Variants in FEN1 observed in about 807,000 individuals in gnomAD.
FEN1 encodes flap structure-specific endonuclease 1.
In FEN1, 19 loss-of-function variants were observed where a neutral mutation model predicts 24.7. The ratio of observed to expected loss-of-function variants is 0.77; its 90% CI spans 0.54 to 1.13. The LOEUF (loss-of-function observed/expected upper bound fraction) is 1.13, where lower values mean the gene tolerates loss of function less well. FEN1 is among the 50% of genes most tolerant of loss of function. FEN1 has a pLI of 0.00. For synonymous variants in FEN1, 155 were observed against 189.2 expected (o/e 0.82, Z 1.48); for missense variants, 339 against 488.7 (o/e 0.69, Z 2.89).
chr11:61,795,283 T>TAAC lies in FEN1; in HGVS notation c.-21-56_-21-54dup. On this transcript the variant is annotated intron_variant, in intron 1 of 1. Coordinates refer to ENST00000305885, the MANE Select transcript of FEN1 (RefSeq NM_004111.6). The surrounding 1 kb of genome is among the most constrained non-coding windows in gnomAD (Gnocchi z 4.1). ...AGTTGAAGGCATGAAGTTGGTGAGA[T>TAAC]AACACCAGTTATAACCTTTCTCCTT... The TAAC allele has an allele frequency of 6.9e-7, 1 of 1,443,514 alleles. No individual in the cohort carries two copies. The highest frequency in any genetic ancestry group is 9.3e-7 in the Non-Finnish European group (1 of 1,069,858). The allele number at this position is 1,443,514 out of a possible 1,614,324, so 89.4% of individuals were successfully genotyped here. A position where few individuals can be genotyped will look rare whatever the true frequency, so the allele number is the denominator to read the frequency against.
chr11:61,796,580 A>T lies in FEN1; in HGVS notation c.*76A>T. 7.0e-7 allele frequency: 1 copy of T among 1,431,630 alleles called. No homozygotes were observed. Among genetic ancestry groups the T allele is most frequent in the Non-Finnish European group, 9.3e-7 (1 of 1,076,438 alleles). The allele number at this position is 1,431,630 out of a possible 1,614,324, so 88.7% of individuals were successfully genotyped here. On this transcript the variant is annotated 3_prime_UTR_variant, in exon 2 of 2. Transcript: ENST00000305885. ...ACCCTTAAGAGCTACAGCTAGAGAAACCTTCACGGGGTGGAGAGAGGATTC... is the reference window on the plus strand; with the variant it reads ...ACCCTTAAGAGCTACAGCTAGAGAATCCTTCACGGGGTGGAGAGAGGATTC...
rs1435270808 is a variant in FEN1, at chr11:61,795,761, A to C, written c.400A>C (p.Thr134Pro). 6.2e-7 allele frequency: 1 copy of C among 1,613,964 alleles called. No homozygotes were observed. The highest frequency in any genetic ancestry group is 8.5e-7 in the Non-Finnish European group (1 of 1,180,030). ...EKFTKRLVKV[T>P]KQHNDECKHL... ...ATTCACTAAGCGGCTGGTGAAGGTCACTAAGCAGCACAATGATGAGTGCAA... is the reference window on the plus strand; with the variant it reads ...ATTCACTAAGCGGCTGGTGAAGGTCCCTAAGCAGCACAATGATGAGTGCAA... Residue 134 changes from threonine (T) to proline (P), a missense_variant, in exon 2 of 2, where the codon ACT becomes CCT. This residue lies in a region of FEN1 where 216 missense variants were observed against 329.7 expected (regional missense o/e 0.66). Transcript: ENST00000305885. The surrounding 1 kb of genome is among the most constrained non-coding windows in gnomAD (Gnocchi z 4.1).
At position 61,795,277 on chromosome 11, in the gene FEN1, G is replaced by A. The variant is rs569289035; in HGVS notation, c.-21-64G>A. 3 of 1,389,470 alleles carry A rather than the reference G, an allele frequency of 2.2e-6. No homozygotes were observed. The South Asian group carries it at 4.3e-5, about 20-fold the overall frequency. 86.1% of individuals were successfully genotyped at this position (1,389,470 alleles called of 1,614,324 possible). On this transcript the variant is annotated intron_variant, in intron 1 of 1. Coordinates refer to ENST00000305885, the MANE Select transcript of FEN1 (RefSeq NM_004111.6). This position sits in a 1 kb window ranked among gnomAD's most constrained non-coding sequence, Gnocchi z 4.1. ...GAATTTAGTTGAAGGCATGAAGTTGGTGAGATAACACCAGTTATAACCTTT... is the reference window on the plus strand; with the variant it reads ...GAATTTAGTTGAAGGCATGAAGTTGATGAGATAACACCAGTTATAACCTTT...
Position 61,795,970 on chromosome 11 carries a change from A to G in FEN1, c.609A>G (p.Pro203=), listed in dbSNP as rs747104251. The G allele has an allele frequency of 5.0e-6, 8 of 1,614,218 alleles. No homozygotes were observed. The South Asian group carries it at 8.8e-5, about 18-fold the overall frequency. The change falls in exon 2 of 2, where the codon CCA becomes CCG. Residue 203 remains proline (P), a synonymous_variant. Coordinates refer to ENST00000305885, the MANE Select transcript of FEN1 (RefSeq NM_004111.6). The surrounding 1 kb of genome is among the most constrained non-coding windows in gnomAD (Gnocchi z 4.1). The stretch of plus-strand genomic sequence containing the variant: ...CTGCCAGTGAAGCCAAAAAGCTGCC[A>G]ATCCAGGAATTCCACCTGAGCCGGA... ...HLTASEAKKL[P]IQEFHLSRIL... is the part of the protein sequence containing the mutation.
chr11:61,794,279 C>T (rs1475390436), intron 1 of FEN1, among the ~76,000 whole-genome samples: 1 of 152,092 alleles, frequency 6.6e-6, no homozygotes, highest in African/African-American at 2.4e-5. Flanking sequence ...TGGGTTCAAG[C>T]GATTCTCCTG....
rs2066813240 is a variant in FEN1, at chr11:61,795,377, C to CT, written c.17dup (p.Ala7GlyfsTer6). ...CTGTGTTGCCATGGGAATTCAAGGC[C>CT]TGGCCAAACTAATTGCTGATGTGGC... On this transcript the variant is annotated frameshift_variant, in exon 2 of 2. Coordinates refer to ENST00000305885, the MANE Select transcript of FEN1 (RefSeq NM_004111.6). LOFTEE classifies it high-confidence loss of function. The surrounding 1 kb of genome is among the most constrained non-coding windows in gnomAD (Gnocchi z 4.1). 7 of 1,603,114 alleles carry CT rather than the reference C, an allele frequency of 4.4e-6. No individual in the cohort carries two copies. The highest frequency in any genetic ancestry group is 1.3e-5 in the African/African-American group (1 of 74,722).
Position 61,795,791 on chromosome 11 carries a change from C to T in FEN1, c.430C>T (p.Leu144=), listed in dbSNP as rs750107586. 1.2e-6 allele frequency: 2 copies of T among 1,614,010 alleles called. No individual in the cohort carries two copies. Among genetic ancestry groups the T allele is most frequent in the Non-Finnish European group, 1.7e-6 (2 of 1,180,038 alleles). Reference sequence around the variant, plus strand: ...GCAGCACAATGATGAGTGCAAACATCTGCTGAGCCTCATGGGCATCCCTTA... The same window carrying T: ...GCAGCACAATGATGAGTGCAAACATTTGCTGAGCCTCATGGGCATCCCTTA... The part of the protein sequence containing the change: ...TKQHNDECKH[L]LSLMGIPYLD... The change falls in exon 2 of 2, where the codon CTG becomes TTG. Residue 144 remains leucine (L), a synonymous_variant. Transcript: ENST00000305885. This position sits in a 1 kb window ranked among gnomAD's most constrained non-coding sequence, Gnocchi z 4.1.
At chr11:61,794,081 C>T (rs374644869) in intron 1 of FEN1, among the ~76,000 whole-genome samples, 2 of 152,246 alleles carry the variant, frequency 1.3e-5, no homozygotes, top group African/African-American at 4.8e-5. Flanking sequence ...CCACCACGGC[C>T]TCCCAAAGTG....
intron 1 of FEN1, among the ~76,000 whole-genome samples, chr11:61,793,615 TTATTCA>T (rs1343158022): frequency 6.6e-6 from 1 of 152,160 alleles, no homozygotes; most frequent in Non-Finnish European, 1.5e-5. Context: ...CACAGGGGAA[TTATTCA>T]TATTAATCAA....
At position 61,795,480 on chromosome 11, in the gene FEN1, A is replaced by T. The variant is rs2066813939; in HGVS notation, c.119A>T (p.Tyr40Phe). 6.2e-7 allele frequency: 1 copy of T among 1,614,096 alleles called. No individual in the cohort carries two copies. The highest frequency in any genetic ancestry group is 8.5e-7 in the Non-Finnish European group (1 of 1,180,058). Residue 40 changes from tyrosine (Y) to phenylalanine (F), a missense_variant, in exon 2 of 2, where the codon TAT (tyrosine) becomes TTT (phenylalanine). Coordinates refer to ENST00000305885, the MANE Select transcript of FEN1 (RefSeq NM_004111.6). The surrounding 1 kb of genome is among the most constrained non-coding windows in gnomAD (Gnocchi z 4.1). ...KVAIDASMSI[Y>F]QFLIAVRQGG... is the part of the protein sequence containing the mutation. Reference sequence around the variant, plus strand: ...GCCATTGATGCCTCTATGAGCATTTATCAGTTCCTGATTGCTGTTCGCCAG... The same window carrying T: ...GCCATTGATGCCTCTATGAGCATTTTTCAGTTCCTGATTGCTGTTCGCCAG...
At position 61,795,297 on chromosome 11, in the gene FEN1, A is replaced by C; in HGVS notation, c.-21-44A>C. On this transcript the variant is annotated intron_variant, in intron 1 of 1. Coordinates refer to ENST00000305885, the MANE Select transcript of FEN1 (RefSeq NM_004111.6). This position sits in a 1 kb window ranked among gnomAD's most constrained non-coding sequence, Gnocchi z 4.1. ...AGTTGGTGAGATAACACCAGTTATA[A>C]CCTTTCTCCTTTCCTCCGTCTCTGA... is the stretch of plus-strand genomic sequence containing the variant. 2 of 1,513,450 alleles carry C rather than the reference A, an allele frequency of 1.3e-6. No individual in the cohort carries two copies. Among genetic ancestry groups the C allele is most frequent in the Non-Finnish European group, 1.8e-6 (2 of 1,123,664 alleles). The allele number at this position is 1,513,450 out of a possible 1,614,324, so 93.8% of individuals were successfully genotyped here.
At position 61,795,645 on chromosome 11, in the gene FEN1, G is replaced by A; in HGVS notation, c.284G>A (p.Gly95Asp). The A allele has an allele frequency of 6.2e-7, 1 of 1,614,078 alleles. No homozygotes were observed. Among genetic ancestry groups the A allele is most frequent in the South Asian group, 1.1e-5 (1 of 91,086 alleles). The change falls in exon 2 of 2, where the codon GGC becomes GAC. Residue 95 changes from glycine (G) to aspartate (D), a missense_variant. By Grantham distance (94) the Gly-to-Asp change is moderately conservative. Coordinates refer to ENST00000305885, the MANE Select transcript of FEN1 (RefSeq NM_004111.6). This position sits in a 1 kb window ranked among gnomAD's most constrained non-coding sequence, Gnocchi z 4.1. ...FDGKPPQLKS[G>D]ELAKRSERRA... The stretch of plus-strand genomic sequence containing the variant: ...GGCAAGCCGCCACAGCTCAAGTCAG[G>A]CGAGCTGGCCAAACGCAGTGAGCGG...
At chr11:61,794,336 C>A (rs1325599189) in intron 1 of FEN1, among the ~76,000 whole-genome samples, 4 of 152,018 alleles carry the variant, frequency 2.6e-5, no homozygotes, top group Non-Finnish European at 5.9e-5. Context: ...ACCACCACAC[C>A]CAGCTAATTT....
chr11:61,795,795 T>C lies in FEN1; in HGVS notation c.434T>C (p.Leu145Pro). 1.2e-6 allele frequency: 2 copies of C among 1,614,036 alleles called. No individual in the cohort carries two copies. The highest frequency in any genetic ancestry group is 1.7e-6 in the Non-Finnish European group (2 of 1,180,038). Residue 145 changes from leucine (L) to proline (P), a missense_variant, in exon 2 of 2, where the codon CTG becomes CCG. By Grantham distance (98) the Leu-to-Pro change is moderately conservative (BLOSUM62 -3). Coordinates refer to ENST00000305885, the MANE Select transcript of FEN1 (RefSeq NM_004111.6). The surrounding 1 kb of genome is among the most constrained non-coding windows in gnomAD (Gnocchi z 4.1). ...KQHNDECKHL[L>P]SLMGIPYLDA... ...CACAATGATGAGTGCAAACATCTGC[T>C]GAGCCTCATGGGCATCCCTTATCTT...
At position 61,795,889 on chromosome 11, in the gene FEN1, T is replaced by C; in HGVS notation, c.528T>C (p.Ala176=). 6.2e-7 allele frequency: 1 copy of C among 1,614,018 alleles called. No homozygotes were observed. Among genetic ancestry groups the C allele is most frequent in the Non-Finnish European group, 8.5e-7 (1 of 1,180,042 alleles). The change falls in exon 2 of 2, where the codon GCT becomes GCC. Residue 176 remains alanine (A), a synonymous_variant. Transcript: ENST00000305885. The surrounding 1 kb of genome is among the most constrained non-coding windows in gnomAD (Gnocchi z 4.1). The part of the protein sequence containing the change: ...LVKAGKVYAA[A]TEDMDCLTFG... ...AGGCTGGCAAAGTCTATGCTGCGGC[T>C]ACCGAGGACATGGACTGCCTCACCT...
rs2066818491 is a variant in FEN1 at position 61,796,191 on chromosome 11, A to G, written c.830A>G (p.Lys277Arg). Reference protein sequence around the residue: ...KYPVPENWLHKEAHQLFLEPE... With the variant: ...KYPVPENWLHREAHQLFLEPE... ...CCTGTGCCAGAAAATTGGCTCCACA[A>G]GGAGGCTCACCAGCTCTTCTTGGAA... The change falls in exon 2 of 2, where the codon AAG (lysine) becomes AGG (arginine). Residue 277 changes from lysine (K) to arginine (R), a missense_variant. Around this residue, in one of 3 missense-constraint regions of FEN1, gnomAD observed 70 missense variants for 64.9 expected, o/e 1.08. Transcript: ENST00000305885. The G allele has an allele frequency of 6.2e-7, 1 of 1,613,628 alleles. No homozygotes were observed. Among genetic ancestry groups the G allele is most frequent in the Non-Finnish European group, 8.5e-7 (1 of 1,180,036 alleles).
At position 61,795,130 on chromosome 11, in the gene FEN1, T is replaced by C. The variant is rs2066812016; in HGVS notation, c.-21-211T>C. 6.6e-6 allele frequency among the ~76,000 whole-genome samples: 1 copy of C among 152,238 alleles called. No homozygotes were observed. Among genetic ancestry groups the C allele is most frequent in the African/African-American group, 2.4e-5 (1 of 41,468 alleles). Reference sequence around the variant, plus strand: ...TTCTCTAAGCACGTGGTTCAATTTCTGGTACTCGTTGAGCCTTACTATTGA... The same window carrying C: ...TTCTCTAAGCACGTGGTTCAATTTCCGGTACTCGTTGAGCCTTACTATTGA... On this transcript the variant is annotated intron_variant, in intron 1 of 1. Transcript: ENST00000305885. The surrounding 1 kb of genome is among the most constrained non-coding windows in gnomAD (Gnocchi z 4.1).
chr11:61,795,756 A>C lies in FEN1; in HGVS notation c.395A>C (p.Lys132Thr), dbSNP rs2066815890. 1 of 1,613,812 alleles carries C rather than the reference A, an allele frequency of 6.2e-7. No individual in the cohort carries two copies. The highest frequency in any genetic ancestry group is 1.3e-5 in the African/African-American group (1 of 74,942). The change falls in exon 2 of 2, where the codon AAG becomes ACG. Residue 132 changes from lysine to threonine, a missense_variant. Coordinates refer to ENST00000305885, the MANE Select transcript of FEN1 (RefSeq NM_004111.6). The surrounding 1 kb of genome is among the most constrained non-coding windows in gnomAD (Gnocchi z 4.1). Reference protein sequence around the residue: ...EVEKFTKRLVKVTKQHNDECK... With the variant: ...EVEKFTKRLVTVTKQHNDECK... ...GAAAAATTCACTAAGCGGCTGGTGAAGGTCACTAAGCAGCACAATGATGAG... is the reference window on the plus strand; with the variant it reads ...GAAAAATTCACTAAGCGGCTGGTGACGGTCACTAAGCAGCACAATGATGAG...
At position 61,792,920 on chromosome 11, in the gene FEN1, T is replaced by A. The variant is rs1350771400; in HGVS notation, c.-130T>A. 3 of 295,946 alleles carry A rather than the reference T, an allele frequency of 1.0e-5. No homozygotes were observed. The highest frequency in any genetic ancestry group is 9.4e-5 in the South Asian group (3 of 31,768). 18.3% of individuals were successfully genotyped at this position (295,946 alleles called of 1,614,324 possible). A position where few individuals can be genotyped will look rare whatever the true frequency, so the allele number is the denominator to read the frequency against. On this transcript the variant is annotated 5_prime_UTR_variant, in exon 1 of 2. Coordinates refer to ENST00000305885, the MANE Select transcript of FEN1 (RefSeq NM_004111.6). Reference sequence around the variant, plus strand: ...GCGGGCTTTGGAAGGCGGCTGAACGTCAGGCCACCCGCCGCTAAGCTGAGA... The same window carrying A: ...GCGGGCTTTGGAAGGCGGCTGAACGACAGGCCACCCGCCGCTAAGCTGAGA...
Sources: gnomAD v4.1 joint callset for allele counts (sites outside exome capture counted in the v4.1 genomes callset) on GRCh38, gnomAD v4.1.1 for gene constraint, gnomAD v4.1.1 regional missense constraint, Gnocchi (gnomAD v3.1) non-coding constraint, MANE v1.5 for transcripts, NCBI Gene and HGNC (gene_info 2026-07-23, HGNC 2026-07-21) for gene names.